Variants in B3GALT1 observed in about 807,000 individuals in gnomAD.
The protein encoded by B3GALT1 is beta-1,3-galactosyltransferase 1.
Under a neutral mutation model 23.2 loss-of-function variants are expected in B3GALT1, and 10 were observed. The ratio of observed to expected loss-of-function variants is 0.43; its 90% confidence interval spans 0.27 to 0.73. The LOEUF (loss-of-function observed/expected upper bound fraction) is 0.73. B3GALT1 is among the 30% of genes least tolerant of loss of function. The pLI, the probability that B3GALT1 is intolerant of heterozygous loss-of-function variation, is 0.21. For synonymous variants in B3GALT1, 156 were observed against 141.5 expected, an observed-to-expected ratio of 1.10 and a Z score of -0.73; for missense variants, 299 against 405.4, an observed-to-expected ratio of 0.74 and a Z score of 2.25.
At chr2:167,745,687 T>C (rs1231597285) in intron 3 of B3GALT1, among the ~76,000 whole-genome samples, 2 of 152,306 alleles carry the variant, frequency 1.3e-5, no homozygotes, top group Non-Finnish European at 2.9e-5. Context: ...TTTTTTTCTC[T>C]CTGTTATGTT....
chr2:167,678,401 A>G (rs1433065644), intron 3 of B3GALT1, among the ~76,000 whole-genome samples: 2 of 152,222 alleles, frequency 1.3e-5, no homozygotes, highest in African/African-American at 4.8e-5. Flanking sequence ...CCCAAAGGTT[A>G]TTCAATGACT....
chr2:167,764,621 A>G (rs541930097), intron 3 of B3GALT1, among the ~76,000 whole-genome samples: 1 of 152,344 alleles, frequency 6.6e-6, no homozygotes, highest in East Asian at 1.9e-4. Context: ...AAGTTTTATA[A>G]TTATATTTCT....
At chr2:167,557,338 C>T (rs1683872206) in intron 2 of B3GALT1, among the ~76,000 whole-genome samples, 1 of 151,996 alleles carries the variant, frequency 6.6e-6, no homozygotes. Context: ...GATATTTTTA[C>T]CTTCTCAACT....
chr2:167,430,897 C>A (rs1272176928), intron 1 of B3GALT1, among the ~76,000 whole-genome samples: 1 of 152,146 alleles, frequency 6.6e-6, no homozygotes, highest in African/African-American at 2.4e-5. Flanking sequence ...TATACATGTG[C>A]AACTTATTGG....
chr2:167,756,657 A>G (rs1421058165), intron 3 of B3GALT1, among the ~76,000 whole-genome samples: 4 of 152,210 alleles, frequency 2.6e-5, no homozygotes, highest in East Asian at 1.9e-4. Flanking sequence ...CCGGGGGTGG[A>G]TAATTCATCT....
intron 1 of B3GALT1, among the ~76,000 whole-genome samples, chr2:167,312,066 C>T (rs758529332): frequency 3.9e-5 from 6 of 151,942 alleles, no homozygotes; most frequent in Non-Finnish European, 5.9e-5. Context: ...TTTATGTTGA[C>T]GGATTTGGAA....
At chr2:167,374,254 C>T (rs1198043248) in intron 1 of B3GALT1, among the ~76,000 whole-genome samples, 1 of 152,196 alleles carries the variant, frequency 6.6e-6, no homozygotes, top group Non-Finnish European at 1.5e-5. Context: ...TGTCTTTATC[C>T]AGTCCACCAC....
chr2:167,640,550 T>TC (rs917257005), intron 2 of B3GALT1, among the ~76,000 whole-genome samples: 1 of 71,976 alleles, frequency 1.4e-5, no homozygotes, highest in African/African-American at 3.9e-5. Context: ...AGTTTGATTT[T>TC]TTTTTCCCCC....
chr2:167,317,949 G>T (rs1031266938), intron 1 of B3GALT1, among the ~76,000 whole-genome samples: 5 of 152,008 alleles, frequency 3.3e-5, no homozygotes, highest in Non-Finnish European at 7.4e-5. Context: ...GTATACCCAA[G>T]ATCATTTGCT....
chr2:167,862,866 G>A (rs1179636968), intron 4 of B3GALT1: 2 of 152,206 alleles, frequency 1.3e-5, no homozygotes, highest in Non-Finnish European at 2.9e-5. Flanking sequence ...AGATGAAGGT[G>A]GATAGTTACT....
Position 167,689,763 on chromosome 2 carries a change from G to A in B3GALT1, c.-352+42797G>A, listed in dbSNP as rs75049786. On this transcript the variant is annotated intron_variant, in intron 3 of 4. Coordinates refer to ENST00000392690, the MANE Select transcript of B3GALT1 (RefSeq NM_020981.4). ...AGACCAGGATGTCTACAGAGAAGGGGATGAGACATGGTCTATTTCTGGATA... is the reference window on the plus strand; with the variant it reads ...AGACCAGGATGTCTACAGAGAAGGGAATGAGACATGGTCTATTTCTGGATA... Among the ~76,000 whole-genome samples, 1,206 of 152,214 alleles carry A rather than the reference G, an allele frequency of 7.9e-3. 19 individuals are homozygous for A. Among genetic ancestry groups the A allele is most frequent in the African/African-American group, 0.027 (1,137 of 41,522 alleles).
chr2:167,392,710 A>G (rs1698033169), intron 1 of B3GALT1, among the ~76,000 whole-genome samples: 1 of 152,180 alleles, frequency 6.6e-6, no homozygotes. Context: ...TTTTTGGGGA[A>G]AAAACCCATA....
intron 3 of B3GALT1, among the ~76,000 whole-genome samples, chr2:167,701,192 C>T (rs1271037245): frequency 1.3e-5 from 2 of 152,040 alleles, no homozygotes; most frequent in Non-Finnish European, 2.9e-5. Context: ...TAAGAGTAGA[C>T]AGAAATGCAG....
chr2:167,350,682 G>T (rs1697295882), intron 1 of B3GALT1, among the ~76,000 whole-genome samples: 1 of 152,180 alleles, frequency 6.6e-6, no homozygotes, highest in Non-Finnish European at 1.5e-5. Context: ...TCCCCGTGGG[G>T]CAAGGGTTGG....
At chr2:167,658,996 G>A (rs1046534822) in intron 3 of B3GALT1, among the ~76,000 whole-genome samples, 5 of 152,046 alleles carry the variant, frequency 3.3e-5, no homozygotes. Context: ...CTCGAGTTTT[G>A]TAAATATGAA....
chr2:167,388,447 G>A (rs1697958095), intron 1 of B3GALT1, among the ~76,000 whole-genome samples: 1 of 152,190 alleles, frequency 6.6e-6, no homozygotes, highest in Non-Finnish European at 1.5e-5. Flanking sequence ...GGGGTGGACA[G>A]ATAGTCACAT....
At chr2:167,404,724 G>A (rs944255360) in intron 1 of B3GALT1, among the ~76,000 whole-genome samples, 5 of 152,048 alleles carry the variant, frequency 3.3e-5, no homozygotes, top group East Asian at 1.9e-4. Flanking sequence ...TTTTACCTTC[G>A]CCTAGATTTC....
At chr2:167,719,660 G>C (rs916876280) in intron 3 of B3GALT1, among the ~76,000 whole-genome samples, 3 of 152,166 alleles carry the variant, frequency 2.0e-5, no homozygotes, top group African/African-American at 7.2e-5. Flanking sequence ...GGGACTGGGC[G>C]TGGTGGCTCA....
intron 3 of B3GALT1, chr2:167,714,368 T>C (rs1219021082): frequency 3.3e-6 from 5 of 1,501,836 alleles, no homozygotes; most frequent in Non-Finnish European, 3.7e-6. Flanking sequence ...AATCTGATGG[T>C]CCAGAGGATT....
Sources: gnomAD v4.1 joint callset for allele counts (sites outside exome capture counted in the v4.1 genomes callset) on GRCh38, gnomAD v4.1.1 for gene constraint, MANE v1.5 for transcripts, NCBI Gene and HGNC (gene_info 2026-07-23, HGNC 2026-07-21) for gene names.